The following KDELR3 variants were observed in gnomAD, a reference collection of about 807,000 sequenced individuals.
KDELR3 encodes KDEL endoplasmic reticulum protein retention receptor 3, also known as ER lumen protein-retaining receptor 3.
Under a neutral mutation model 22.7 loss-of-function variants are expected in KDELR3, and 26 were observed. The ratio of observed to expected loss-of-function variants is 1.15; its 90% CI spans 0.84 to 1.59. KDELR3 has a LOEUF of 1.59. Among genes scored for constraint, KDELR3 ranks in the 40% most tolerant of loss-of-function variants. KDELR3 has a pLI of 0.00. For missense variants in KDELR3, 289 were observed against 251.1 expected (o/e 1.15, Z -1.02); for synonymous variants, 120 against 98.2 (o/e 1.22, Z -1.31).
At chr22:38,480,740 G>A (rs1012432863) in intron 3 of KDELR3, among the ~76,000 whole-genome samples, 5 of 151,414 alleles carry the variant, frequency 3.3e-5, no homozygotes, top group African/African-American at 1.2e-4. Flanking sequence ...GAGACAGAGC[G>A]AGACTCCATC....
chr22:38,481,246 T>G lies in KDELR3; in HGVS notation c.386T>G (p.Val129Gly), dbSNP rs199829844. The G allele has an allele frequency of 5.0e-6, 8 of 1,614,174 alleles. No individual in the cohort carries two copies. In the East Asian group the frequency reaches 1.8e-4, roughly 36 times the overall value. The change falls in exon 4 of 5, where the codon GTG becomes GGG. Residue 129 changes from valine (V) to glycine (G), a missense_variant. Physicochemically the swap from Val to Gly is moderately radical, Grantham distance 109 (BLOSUM62 -3). Transcript: ENST00000216014. ...ACTTTCTCTATCTATCTGGAATCAG[T>G]GGCTATCCTGCCCCAGCTCTTCATG... ...LWTFSIYLESVAILPQLFMIS... is the reference protein window; with the variant it reads ...LWTFSIYLESGAILPQLFMIS...
intron 2 of KDELR3, 88 bp from the exon 3 acceptor site, chr22:38,479,505 A>C (rs563145465): frequency 1.6e-6 from 2 of 1,232,252 alleles, no homozygotes; most frequent in East Asian, 2.3e-5. Flanking sequence ...CAGAACACTG[A>C]CCCTTAGGTT....
chr22:38,471,033 A>G (rs2089521448), intron 1 of KDELR3, among the ~76,000 whole-genome samples: 2 of 152,032 alleles, frequency 1.3e-5, no homozygotes, highest in African/African-American at 4.8e-5. Context: ...AATCCCAGCT[A>G]CTCATGAGGC....
chr22:38,474,631 G>A lies in KDELR3; in HGVS notation c.192+8G>A. On this transcript the variant is annotated splice_region_variant and intron_variant, in intron 2 of 4. Coordinates refer to ENST00000216014, the MANE Select transcript of KDELR3 (RefSeq NM_006855.4). Reference sequence around the variant, plus strand: ...TACAACACAGTAATGAAGGTGAGGGGCTGGGTGATGATGGTTGGGGGAAGC... The same window carrying A: ...TACAACACAGTAATGAAGGTGAGGGACTGGGTGATGATGGTTGGGGGAAGC... 6.2e-7 allele frequency: 1 copy of A among 1,606,738 alleles called. No homozygotes were observed. The highest frequency in any genetic ancestry group is 1.1e-5 in the South Asian group (1 of 90,912).
At chr22:38,475,480 GA>G (rs1237414712) in intron 2 of KDELR3, among the ~76,000 whole-genome samples, 5 of 149,686 alleles carry the variant, frequency 3.3e-5, no homozygotes, top group East Asian at 3.9e-4. Context: ...CCCGTCTCAA[GA>G]AAAAAAAAAT....
At chr22:38,468,462 C>A in intron 1 of KDELR3, 138 bp downstream of exon 1, 1 of 649,070 alleles carries the variant, frequency 1.5e-6, no homozygotes, top group Non-Finnish European at 2.7e-6. Context: ...TGCGGAGCTC[C>A]ACTTCCAAAA....
rs920856315 is a variant in KDELR3, at chr22:38,480,585, A to G, written c.352-627A>G. ...ACACAGTGAAACCCTGTCTCTACTGAAAAATAGAAAAAAAAAAATTAGCCG... is the reference window on the plus strand; with the variant it reads ...ACACAGTGAAACCCTGTCTCTACTGGAAAATAGAAAAAAAAAAATTAGCCG... On this transcript the variant is annotated intron_variant, in intron 3 of 4. Transcript: ENST00000216014. Among the ~76,000 whole-genome samples, 4 of 151,710 alleles carry G rather than the reference A, an allele frequency of 2.6e-5. No individual in the cohort carries two copies. In the South Asian group the frequency reaches 8.3e-4, roughly 32 times the overall value.
intron 2 of KDELR3, among the ~76,000 whole-genome samples, chr22:38,478,153 G>C (rs956450078): frequency 6.6e-6 from 1 of 151,906 alleles, no homozygotes; most frequent in Non-Finnish European, 1.5e-5. Context: ...AGACTGCTTC[G>C]AGGAAATAAC....
In KDELR3 at chr22:38,468,133, G is replaced by A. The variant is rs1184385088; in HGVS notation, c.-101G>A. The A allele has an allele frequency of 1.1e-5, 11 of 995,386 alleles. No homozygotes were observed. The highest frequency in any genetic ancestry group is 1.6e-5 in the Non-Finnish European group (10 of 642,162). 61.7% of individuals were successfully genotyped at this position (995,386 alleles called of 1,614,324 possible). A position where few individuals can be genotyped will look rare whatever the true frequency, so the allele number is the denominator to read the frequency against. On this transcript the variant is annotated 5_prime_UTR_variant, in exon 1 of 5. Transcript: ENST00000216014. ...CTGTGAGGCGCAGGCAGGGCTCTGG[G>A]GCACCTAGAGACCGGGGCCGGAGAC...
chr22:38,481,936 A>AAAAG (rs1403158494), intron 4 of KDELR3, among the ~76,000 whole-genome samples: 1 of 152,136 alleles, frequency 6.6e-6, no homozygotes, highest in Non-Finnish European at 1.5e-5. Flanking sequence ...AAAACAAACA[A>AAAAG]AAAGACACTT....
At chr22:38,468,856 C>T (rs1255628250) in intron 1 of KDELR3, among the ~76,000 whole-genome samples, 1 of 152,312 alleles carries the variant, frequency 6.6e-6, no homozygotes, top group Non-Finnish European at 1.5e-5. Context: ...TGCCTCTAAA[C>T]GGAAGCCGGG....
At chr22:38,480,775 T>C (rs1344078575) in intron 3 of KDELR3, among the ~76,000 whole-genome samples, 2 of 151,100 alleles carry the variant, frequency 1.3e-5, no homozygotes, top group African/African-American at 2.4e-5. Flanking sequence ...AAAAAAGTTA[T>C]TTTTGGCTGG....
chr22:38,470,451 G>A (rs934687806), intron 1 of KDELR3, among the ~76,000 whole-genome samples: 2 of 152,204 alleles, frequency 1.3e-5, no homozygotes, highest in Non-Finnish European at 2.9e-5. Context: ...CTAGGAAACT[G>A]AGCAAATGAC....
chr22:38,470,971 G>A (rs565529694), intron 1 of KDELR3, among the ~76,000 whole-genome samples: 6 of 152,102 alleles, frequency 3.9e-5, no homozygotes, highest in South Asian at 2.1e-4. Context: ...GCGAAACCCC[G>A]TCTCCACTAA....
intron 1 of KDELR3, among the ~76,000 whole-genome samples, chr22:38,469,401 G>A (rs2089509812): frequency 1.3e-5 from 2 of 152,212 alleles, no homozygotes; most frequent in South Asian, 2.1e-4. Flanking sequence ...CTGGAAGGGG[G>A]CCTGAACAGG....
At position 38,482,728 on chromosome 22, in the gene KDELR3, G is replaced by T. The variant is rs562182066; in HGVS notation, c.*192G>T. On this transcript the variant is annotated 3_prime_UTR_variant, in exon 5 of 5. Coordinates refer to ENST00000216014, the MANE Select transcript of KDELR3 (RefSeq NM_006855.4). Reference sequence around the variant, plus strand: ...AATAGATCGCCCTTAAAGACCCATTGTAAGGTCATAAAAAACCTCGGCCAC... The same window carrying T: ...AATAGATCGCCCTTAAAGACCCATTTTAAGGTCATAAAAAACCTCGGCCAC... The T allele has an allele frequency of 2.0e-4, 115 of 572,210 alleles. 1 individual carries two copies. Among genetic ancestry groups the T allele is most frequent in the Admixed American group, 7.3e-4 (23 of 31,554 alleles). 35.4% of individuals were successfully genotyped at this position (572,210 alleles called of 1,614,324 possible).
chr22:38,472,981 T>C (rs1448547111), intron 1 of KDELR3, among the ~76,000 whole-genome samples: 2 of 152,198 alleles, frequency 1.3e-5, no homozygotes, highest in African/African-American at 4.8e-5. Context: ...ATTACAGGCA[T>C]GAGCCACCGC....
At chr22:38,473,295 G>T (rs739235) in intron 1 of KDELR3, among the ~76,000 whole-genome samples, 9,070 of 151,916 alleles carry the variant, frequency 0.06, 350 homozygotes, top group Non-Finnish European at 0.085. Flanking sequence ...AATAAAATTT[G>T]CCAGTCTGAT....
intron 1 of KDELR3, among the ~76,000 whole-genome samples, chr22:38,469,076 C>T (rs751452125): frequency 8.5e-5 from 13 of 152,228 alleles, no homozygotes; most frequent in Non-Finnish European, 1.8e-4. Context: ...TCAGGCTCCT[C>T]GTGGGGCTGA....
Sources: allele counts gnomAD v4.1 joint callset (sites outside exome capture counted in the v4.1 genomes callset), GRCh38; gene constraint gnomAD v4.1.1; transcripts MANE v1.5; gene names NCBI Gene and HGNC (gene_info 2026-07-23, HGNC 2026-07-21).